ZFYVE9: variants seen among roughly 807,000 people sequenced by gnomAD.
ZFYVE9 encodes the protein zinc finger FYVE-type containing 9.
In ZFYVE9, 43 loss-of-function variants were observed where a neutral mutation model predicts 126.7. The observed-to-expected ratio is 0.34, with a 90% CI of 0.27 to 0.44. ZFYVE9 has a LOEUF of 0.44. ZFYVE9 is among the 20% of genes least tolerant of loss of function. The probability of loss-of-function intolerance (pLI) is 1.00; values close to 1 mark genes in which losing one functional copy is unlikely to be tolerated. For missense variants in ZFYVE9, 1,476 were observed against 1,697.0 expected, an observed-to-expected ratio of 0.87 and a Z score of 2.29; for synonymous variants, 521 against 597.4, an observed-to-expected ratio of 0.87 and a Z score of 1.87.
At chr1:52,193,803 C>T (rs1026008944) in intron 1 of ZFYVE9, among the ~76,000 whole-genome samples, 15 of 151,636 alleles carry the variant, frequency 9.9e-5, no homozygotes, top group Admixed American at 2.6e-4. Flanking sequence ...CACACGCACG[C>T]GCGCACACAC....
At chr1:52,268,425 C>A in intron 6 of ZFYVE9, 38 bp from the exon 7 acceptor site, 1 of 1,590,650 alleles carries the variant, frequency 6.3e-7, no homozygotes. Flanking sequence ...CCTTCCAATG[C>A]CACATTGATG....
chr1:52,172,313 A>G (rs1203906975), intron 1 of ZFYVE9, among the ~76,000 whole-genome samples: 1 of 152,080 alleles, frequency 6.6e-6, no homozygotes, highest in Non-Finnish European at 1.5e-5. Context: ...ATAGTTGTAG[A>G]TATGCGGCGT....
At chr1:52,181,779 C>T (rs528424407) in intron 1 of ZFYVE9, among the ~76,000 whole-genome samples, 40 of 152,030 alleles carry the variant, frequency 2.6e-4, no homozygotes, top group South Asian at 6.2e-4. Flanking sequence ...GCTGCGACCC[C>T]GTCTGGGAGG....
At chr1:52,338,404 T>C (rs1258366779) in intron 16 of ZFYVE9, among the ~76,000 whole-genome samples, 1 of 152,210 alleles carries the variant, frequency 6.6e-6, no homozygotes, top group Admixed American at 6.5e-5. Context: ...TCTTTCTCAG[T>C]GTTCGGCAAC....
chr1:52,332,499 A>AT (rs59183887), intron 13 of ZFYVE9, among the ~76,000 whole-genome samples: 150,578 of 152,308 alleles, frequency 0.99, 74,465 homozygotes, highest in Middle Eastern at 1. Flanking sequence ...CTTGAGTTCA[A>AT]TCAGCAATAA....
At chr1:52,176,091 G>T (rs1023554489) in intron 1 of ZFYVE9, among the ~76,000 whole-genome samples, 44 of 152,154 alleles carry the variant, frequency 2.9e-4, no homozygotes, top group Non-Finnish European at 5.9e-4. Context: ...AGAGTTTCCA[G>T]TTTTTCTGCT....
At chr1:52,175,430 C>A (rs1156847046) in intron 1 of ZFYVE9, among the ~76,000 whole-genome samples, 1 of 151,594 alleles carries the variant, frequency 6.6e-6, no homozygotes, top group Non-Finnish European at 1.5e-5. Context: ...CTGTGGCTGC[C>A]CTTAACATTT....
chr1:52,245,327 T>TA (rs1645374175), intron 4 of ZFYVE9, among the ~76,000 whole-genome samples: 1 of 151,796 alleles, frequency 6.6e-6, no homozygotes, highest in Non-Finnish European at 1.5e-5. Context: ...GTAGATGACT[T>TA]AAAGATATAA....
At chr1:52,198,403 G>A (rs1017333898) in intron 1 of ZFYVE9, among the ~76,000 whole-genome samples, 2 of 152,000 alleles carry the variant, frequency 1.3e-5, no homozygotes, top group African/African-American at 2.4e-5. Flanking sequence ...AGCCTGTAGT[G>A]TTCTTTAATA....
chr1:52,272,421 C>T (rs963251223), intron 7 of ZFYVE9, among the ~76,000 whole-genome samples: 23 of 152,134 alleles, frequency 1.5e-4, no homozygotes, highest in African/African-American at 5.6e-4. Flanking sequence ...ACTTCTGTCC[C>T]TACAGATTAG....
Position 52,180,835 on chromosome 1 carries a change from C to T in ZFYVE9, c.-142-35534C>T, listed in dbSNP as rs184373119. 3.7e-4 allele frequency among the ~76,000 whole-genome samples: 56 copies of T among 151,982 alleles called. 1 individual carries two copies. The highest frequency in any genetic ancestry group is 1.5e-3 in the Admixed American group (23 of 15,250). ...CACTAAAAATACAAAAATAGCCGGG[C>T]GTGGTGGCGCATGCCTGTAATCCCA... On this transcript the variant is annotated intron_variant, in intron 1 of 18. Transcript: ENST00000287727.
chr1:52,320,436 G>T (rs1646228979), intron 13 of ZFYVE9, among the ~76,000 whole-genome samples: 1 of 152,138 alleles, frequency 6.6e-6, no homozygotes, highest in Non-Finnish European at 1.5e-5. Flanking sequence ...TATATGAATA[G>T]ACCAATGGAA....
intron 13 of ZFYVE9, among the ~76,000 whole-genome samples, chr1:52,316,464 G>A (rs1286547186): frequency 2.8e-5 from 4 of 144,634 alleles, no homozygotes; most frequent in South Asian, 2.2e-4. Context: ...CAGCCTGGGC[G>A]ACAGAGTGAG....
At position 52,142,436 on chromosome 1, in the gene ZFYVE9, C is replaced by T. The variant is rs534074398; in HGVS notation, c.-143+33C>T. ...TGGCGCGGCGTGGTCCGGGGCTCGCCGGCCTCCCGCCGCCTGTGGGGGCCC... is the reference window on the plus strand; with the variant it reads ...TGGCGCGGCGTGGTCCGGGGCTCGCTGGCCTCCCGCCGCCTGTGGGGGCCC... On this transcript the variant is annotated intron_variant, in intron 1 of 18. Transcript: ENST00000287727. This position sits in a 1 kb window ranked among gnomAD's most constrained non-coding sequence, Gnocchi z 4.5. 1.3e-5 allele frequency: 2 copies of T among 152,076 alleles called. No homozygotes were observed. The highest frequency in any genetic ancestry group is 6.5e-5 in the Admixed American group (1 of 15,282). 9.4% of individuals were successfully genotyped at this position (152,076 alleles called of 1,614,324 possible). A position where few individuals can be genotyped will look rare whatever the true frequency, so the allele number is the denominator to read the frequency against.
At chr1:52,225,997 G>A (rs2124611321) in intron 2 of ZFYVE9, among the ~76,000 whole-genome samples, 1 of 152,290 alleles carries the variant, frequency 6.6e-6, no homozygotes, top group South Asian at 2.1e-4. Context: ...AGACTGGCAG[G>A]TGGTGGATGC....
chr1:52,343,570 A>G (rs12726190), intron 17 of ZFYVE9, among the ~76,000 whole-genome samples: 1 of 151,658 alleles, frequency 6.6e-6, no homozygotes, highest in African/African-American at 2.4e-5. Context: ...AACCTGGCCA[A>G]CATGGTGAAA....
intron 2 of ZFYVE9, among the ~76,000 whole-genome samples, chr1:52,230,578 G>C (rs1015069076): frequency 6.6e-6 from 1 of 151,936 alleles, no homozygotes; most frequent in Non-Finnish European, 1.5e-5. Context: ...ATCCAGGATG[G>C]GCAATTTGGT....
chr1:52,208,477 C>T (rs1324805043), intron 1 of ZFYVE9, among the ~76,000 whole-genome samples: 2 of 150,952 alleles, frequency 1.3e-5, no homozygotes, highest in African/African-American at 4.9e-5. Flanking sequence ...CTTGAGAAAA[C>T]ATGGTTTAAG....
chr1:52,233,930 G>C (rs529747509), intron 3 of ZFYVE9, among the ~76,000 whole-genome samples: 1 of 152,022 alleles, frequency 6.6e-6, no homozygotes, highest in Non-Finnish European at 1.5e-5. Flanking sequence ...CCATACACCC[G>C]CCACCATGCC....
Sources: gnomAD v4.1 joint callset for allele counts (sites outside exome capture counted in the v4.1 genomes callset) on GRCh38, gnomAD v4.1.1 for gene constraint, Gnocchi (gnomAD v3.1) non-coding constraint, MANE v1.5 for transcripts, NCBI Gene and HGNC (gene_info 2026-07-23, HGNC 2026-07-21) for gene names.